Variants in PCDH7 observed in about 807,000 individuals in gnomAD.
The protein encoded by PCDH7 is protocadherin 7.
Under a neutral mutation model 58.9 loss-of-function variants are expected in PCDH7, and 17 were observed. The ratio of observed to expected loss-of-function variants is 0.29; its 90% CI spans 0.20 to 0.43. PCDH7 has a LOEUF of 0.43. Among genes scored for constraint, PCDH7 ranks in the 20% least tolerant of loss-of-function variants. The pLI is 1.00. For missense variants in PCDH7, 1,274 were observed against 1,441.0 expected (o/e 0.88, Z 1.88); for synonymous variants, 664 against 616.4 (o/e 1.08, Z -1.14).
At chr4:30,910,746 G>T (rs557322378) in intron 1 of PCDH7, among the ~76,000 whole-genome samples, 1 of 152,290 alleles carries the variant, frequency 6.6e-6, no homozygotes, top group South Asian at 2.1e-4. Flanking sequence ...GGAAGACAGG[G>T]TGGTGATTCC....
At chr4:30,724,403 G>A in exon 1 of PCDH7, 2 of 1,613,988 alleles carry the variant, frequency 1.2e-6, no homozygotes, top group South Asian at 1.1e-5. Context: ...GACCTGGCAA[G>A]GCATTACAAA....
chr4:30,995,329 G>T (rs1203831522), intron 3 of PCDH7, among the ~76,000 whole-genome samples: 1 of 151,988 alleles, frequency 6.6e-6, no homozygotes, highest in South Asian at 2.1e-4. Context: ...TGGCTAACAC[G>T]GTGAAACCCT....
chr4:30,872,898 C>T (rs914863454), intron 1 of PCDH7, among the ~76,000 whole-genome samples: 1 of 152,042 alleles, frequency 6.6e-6, no homozygotes, highest in Non-Finnish European at 1.5e-5. Context: ...TAAGTTAATA[C>T]ATGTCAAGAA....
chr4:31,074,784 C>CAAAAAAAACAAAAA (rs1758839722), intron 3 of PCDH7, among the ~76,000 whole-genome samples: 1 of 52,488 alleles, frequency 1.9e-5, no homozygotes, highest in African/African-American at 8.8e-5. Context: ...GATTCCGTCT[C>CAAAAAAAACAAAAA]AAAAAAAAAA....
intron 1 of PCDH7, among the ~76,000 whole-genome samples, chr4:30,765,151 TAAG>T (rs1720586669): frequency 7.3e-6 from 1 of 136,788 alleles, no homozygotes. Flanking sequence ...TTTTTTTTTT[TAAG>T]AAGGAAAGGA....
intron 3 of PCDH7, among the ~76,000 whole-genome samples, chr4:31,059,025 C>T (rs1214652077): frequency 1.3e-5 from 2 of 151,970 alleles, no homozygotes; most frequent in East Asian, 3.9e-4. Flanking sequence ...GCAATCTTTC[C>T]CTTATATGGA....
intron 1 of PCDH7, among the ~76,000 whole-genome samples, chr4:30,917,282 A>T (rs1742602149): frequency 6.6e-6 from 1 of 152,050 alleles, no homozygotes; most frequent in Admixed American, 6.6e-5. Context: ...CATCAATGGG[A>T]GCTCTTTCAG....
intron 3 of PCDH7, among the ~76,000 whole-genome samples, chr4:30,952,830 T>C (rs1413005559): frequency 1.3e-5 from 2 of 152,112 alleles, no homozygotes; most frequent in Non-Finnish European, 2.9e-5. Context: ...CATTTAGAAC[T>C]AAAATAGTTG....
At chr4:30,874,501 G>A (rs528197776) in intron 1 of PCDH7, among the ~76,000 whole-genome samples, 7 of 150,822 alleles carry the variant, frequency 4.6e-5, no homozygotes, top group African/African-American at 7.3e-5. Flanking sequence ...GAGAACACAT[G>A]GACACAGGAA....
intron 1 of PCDH7, among the ~76,000 whole-genome samples, chr4:30,760,291 G>A (rs1196856610): frequency 6.6e-6 from 1 of 152,078 alleles, no homozygotes; most frequent in African/African-American, 2.4e-5. Context: ...ACTTATCAAG[G>A]TCCACTTCCT....
intron 3 of PCDH7, among the ~76,000 whole-genome samples, chr4:31,109,448 A>T (rs1716011136): frequency 6.6e-6 from 1 of 152,244 alleles, no homozygotes; most frequent in South Asian, 2.1e-4. Flanking sequence ...TCAAATTATA[A>T]GATTGTAAGA....
chr4:31,146,107 G>A (rs1405631899), downstream of PCDH7: 1 of 151,992 alleles, frequency 6.6e-6, no homozygotes, highest in African/African-American at 2.4e-5. Context: ...CCTGCTGCCT[G>A]AGTTTCAGAA....
At chr4:30,752,074 C>A (rs1718600442) in intron 1 of PCDH7, among the ~76,000 whole-genome samples, 1 of 152,098 alleles carries the variant, frequency 6.6e-6, no homozygotes, top group African/African-American at 2.4e-5. Context: ...TAGTTCCTAT[C>A]TTTCCACTCT....
chr4:30,754,826 A>C (rs935044400), intron 1 of PCDH7, among the ~76,000 whole-genome samples: 1 of 152,112 alleles, frequency 6.6e-6, no homozygotes, highest in African/African-American at 2.4e-5. Flanking sequence ...AAGATTTTTG[A>C]TGGGTGTACC....
chr4:30,913,138 C>T (rs748705409), intron 1 of PCDH7, among the ~76,000 whole-genome samples: 22 of 151,452 alleles, frequency 1.5e-4, no homozygotes, highest in Non-Finnish European at 3.1e-4. Flanking sequence ...ACATATTTTG[C>T]AATCATTGTA....
intron 1 of PCDH7, among the ~76,000 whole-genome samples, chr4:30,741,341 C>A (rs1238349780): frequency 3.4e-5 from 5 of 148,860 alleles, no homozygotes; most frequent in African/African-American, 1.2e-4. Context: ...CAAGTGTGTG[C>A]CACCATATAT....
At chr4:30,763,493 C>T (rs962590094) in intron 1 of PCDH7, among the ~76,000 whole-genome samples, 2 of 152,130 alleles carry the variant, frequency 1.3e-5, no homozygotes, top group Non-Finnish European at 2.9e-5. Flanking sequence ...AAGATAAACA[C>T]GGAGGCTTAG....
chr4:31,036,298 G>A (rs1755407452), intron 3 of PCDH7, among the ~76,000 whole-genome samples: 1 of 152,084 alleles, frequency 6.6e-6, no homozygotes, highest in Admixed American at 6.6e-5. Context: ...CTATTTTCCT[G>A]CCTCAGCCTC....
At chr4:31,103,419 A>C (rs1449880136) in intron 3 of PCDH7, among the ~76,000 whole-genome samples, 1 of 151,962 alleles carries the variant, frequency 6.6e-6, no homozygotes, top group East Asian at 1.9e-4. Flanking sequence ...GGCTCACTGC[A>C]ACCTCCACCT....
Sources: gnomAD v4.1 joint callset for allele counts (sites outside exome capture counted in the v4.1 genomes callset) on GRCh38, gnomAD v4.1.1 for gene constraint, MANE v1.5 for transcripts, NCBI Gene and HGNC (gene_info 2026-07-23, HGNC 2026-07-21) for gene names.